The following CTNND2 variants were observed in gnomAD, a reference collection of about 807,000 sequenced individuals.
The protein encoded by CTNND2 is catenin delta-2.
A neutral mutation model predicts 144.4 loss-of-function variants in CTNND2; 22 were observed. That is an observed-to-expected ratio of 0.15 (90% CI 0.11 to 0.22). The LOEUF (loss-of-function observed/expected upper bound fraction) is 0.22, where lower values mean the gene tolerates loss of function less well. Among genes scored for constraint, CTNND2 ranks in the 10% least tolerant of loss-of-function variants. The pLI, the probability that CTNND2 is intolerant of heterozygous loss-of-function variation, is 1.00. For synonymous variants in CTNND2, 751 were observed against 695.6 expected (o/e 1.08, Z -1.25); for missense variants, 1,353 against 1,618.8 (o/e 0.84, Z 2.82).
chr5:11,158,860 G>C lies in CTNND2; in HGVS notation c.2159+716C>G, dbSNP rs16901322. Among the ~76,000 whole-genome samples, 844 of 152,126 alleles carry C rather than the reference G, an allele frequency of 5.5e-3. 3 individuals are homozygous for C. The highest frequency in any genetic ancestry group is 0.019 in the African/African-American group (809 of 41,494). ...TCATCCAGCAGAGATTTGCAACTTT[G>C]GTACAAAATACAACACTTTTGGGAG... On this transcript the variant is annotated intron_variant, in intron 12 of 21. Coordinates refer to ENST00000304623, the MANE Select transcript of CTNND2 (RefSeq NM_001332.4).
chr5:11,661,704 A>G (rs1783214809), intron 2 of CTNND2, among the ~76,000 whole-genome samples: 1 of 152,190 alleles, frequency 6.6e-6, no homozygotes, highest in African/African-American at 2.4e-5. Context: ...GAAATAAGCA[A>G]TCATCATACA....
At chr5:11,172,819 G>A (rs1760065260) in intron 11 of CTNND2, among the ~76,000 whole-genome samples, 1 of 152,126 alleles carries the variant, frequency 6.6e-6, no homozygotes, top group Non-Finnish European at 1.5e-5. Flanking sequence ...ATAAAAGGAA[G>A]GTCTGCGTGG....
chr5:11,681,934 C>A (rs1432080183), intron 2 of CTNND2, among the ~76,000 whole-genome samples: 1 of 152,178 alleles, frequency 6.6e-6, no homozygotes, highest in Non-Finnish European at 1.5e-5. Context: ...AAGAAACAGA[C>A]AAGCTGTCTA....
chr5:11,213,232 G>A (rs755735576), intron 10 of CTNND2, among the ~76,000 whole-genome samples: 5 of 151,810 alleles, frequency 3.3e-5, no homozygotes, highest in African/African-American at 7.3e-5. Flanking sequence ...TGTTTAGCTC[G>A]GCCTCCACAA....
chr5:11,718,481 C>T (rs1786478262), intron 2 of CTNND2, among the ~76,000 whole-genome samples: 1 of 152,126 alleles, frequency 6.6e-6, no homozygotes, highest in Admixed American at 6.6e-5. Flanking sequence ...ACTTGTTCTC[C>T]TTGATTTCCC....
At chr5:11,898,177 T>C (rs1471294946) in intron 1 of CTNND2, among the ~76,000 whole-genome samples, 1 of 152,218 alleles carries the variant, frequency 6.6e-6, no homozygotes, top group Non-Finnish European at 1.5e-5. Context: ...CAATTATTTA[T>C]CTTTTTCCCT....
chr5:11,720,738 T>A (rs1786629175), intron 2 of CTNND2, among the ~76,000 whole-genome samples: 1 of 152,226 alleles, frequency 6.6e-6, no homozygotes, highest in Admixed American at 6.5e-5. Flanking sequence ...AATGTGTTGT[T>A]GGTCTGCCAT....
At chr5:11,531,077 T>C (rs1302452751) in intron 3 of CTNND2, among the ~76,000 whole-genome samples, 1 of 152,108 alleles carries the variant, frequency 6.6e-6, no homozygotes, top group African/African-American at 2.4e-5. Flanking sequence ...AGAGATGAAG[T>C]AATGGAAAAT....
intron 2 of CTNND2, among the ~76,000 whole-genome samples, chr5:11,655,173 T>G (rs532970912): frequency 1.1e-4 from 16 of 152,122 alleles, no homozygotes; most frequent in Non-Finnish European, 1.6e-4. Context: ...CTGAACAATT[T>G]TAAATAGATT....
intron 9 of CTNND2, among the ~76,000 whole-genome samples, chr5:11,292,607 CCGCCATGTAAGA>C (rs1333159045): frequency 6.6e-6 from 1 of 152,180 alleles, no homozygotes; most frequent in Non-Finnish European, 1.5e-5. Context: ...CTCTTGCCTG[CCGCCATGTAAGA>C]CGTACTGGCT....
chr5:11,433,713 G>A lies in CTNND2; in HGVS notation c.288-21644C>T, dbSNP rs139303808. ...GAAGAGTGAGAGCTCACTCACTATC[G>A]CAGAGACAGCACCAAGCCATGAGGG... On this transcript the variant is annotated intron_variant, in intron 3 of 21. Coordinates refer to ENST00000304623, the MANE Select transcript of CTNND2 (RefSeq NM_001332.4). Among the ~76,000 whole-genome samples the A allele has an allele frequency of 9.9e-5, 15 of 152,232 alleles. No homozygotes were observed. The East Asian group carries it at 2.5e-3, about 26-fold the overall frequency.
At chr5:11,166,249 CTTTTTTT>C (rs11400471) in intron 11 of CTNND2, among the ~76,000 whole-genome samples, 1 of 125,882 alleles carries the variant, frequency 7.9e-6, no homozygotes, top group South Asian at 2.6e-4. Flanking sequence ...CAAAAAAGTT[CTTTTTTT>C]TTTTTTTTTT....
At chr5:11,678,270 T>C (rs1217475901) in intron 2 of CTNND2, among the ~76,000 whole-genome samples, 1 of 152,218 alleles carries the variant, frequency 6.6e-6, no homozygotes, top group East Asian at 1.9e-4. Flanking sequence ...TACTTATTTA[T>C]TATTCAAATG....
At chr5:11,707,618 C>A (rs1319231511) in intron 2 of CTNND2, among the ~76,000 whole-genome samples, 1 of 152,144 alleles carries the variant, frequency 6.6e-6, no homozygotes, top group African/African-American at 2.4e-5. Flanking sequence ...ACACAGGACA[C>A]ACAAATGCCA....
chr5:11,115,155 T>G (rs1031692718), intron 13 of CTNND2, among the ~76,000 whole-genome samples: 4 of 152,202 alleles, frequency 2.6e-5, no homozygotes, highest in African/African-American at 9.7e-5. Context: ...TACTCCCAAT[T>G]ATTTCAACTT....
rs1329356762 is a variant in CTNND2 at position 11,847,126 on chromosome 5, TTTTATATA to T, written c.37+56683_37+56690del. 6.2e-3 allele frequency among the ~76,000 whole-genome samples: 649 copies of T among 105,454 alleles called. 9 individuals carry two copies. Among genetic ancestry groups the T allele is most frequent in the African/African-American group, 8.0e-3 (255 of 31,834 alleles). The allele number at this position is 105,454 out of a possible 152,430, so 69.2% of individuals were successfully genotyped here. A position where few individuals can be genotyped will look rare whatever the true frequency, so the allele number is the denominator to read the frequency against. Reference sequence around the variant, plus strand: ...GGAAATAAAATCAGTATGTCAAAGATTTTATATATATATATATATATATATATATATAT... The same window carrying T: ...GGAAATAAAATCAGTATGTCAAAGATTATATATATATATATATATATATAT... On this transcript the variant is annotated intron_variant, in intron 1 of 21. Coordinates refer to ENST00000304623, the MANE Select transcript of CTNND2 (RefSeq NM_001332.4).
intron 12 of CTNND2, among the ~76,000 whole-genome samples, chr5:11,152,075 C>T (rs141509718): frequency 4.5e-4 from 68 of 152,118 alleles, no homozygotes; most frequent in African/African-American, 1.5e-3. Flanking sequence ...AGCTTTTATA[C>T]GTAAAGAAAG....
chr5:11,429,283 T>C (rs985909981), intron 3 of CTNND2, among the ~76,000 whole-genome samples: 6 of 152,236 alleles, frequency 3.9e-5, no homozygotes, highest in African/African-American at 1.4e-4. Context: ...TCACTCAAGC[T>C]TTCTATTAAA....
chr5:11,807,419 T>A (rs1315106316), intron 1 of CTNND2, among the ~76,000 whole-genome samples: 1 of 152,180 alleles, frequency 6.6e-6, no homozygotes, highest in African/African-American at 2.4e-5. Context: ...TAAGTCCTTG[T>A]GTTGATTAGG....
Sources: gnomAD v4.1 joint callset for allele counts (sites outside exome capture counted in the v4.1 genomes callset) on GRCh38, gnomAD v4.1.1 for gene constraint, MANE v1.5 for transcripts, NCBI Gene and HGNC (gene_info 2026-07-23, HGNC 2026-07-21) for gene names.